The following SYT1 variants were observed in gnomAD, a reference collection of about 807,000 sequenced individuals.
The protein encoded by SYT1 is synaptotagmin 1, also known as synaptotagmin-1.
Under a neutral mutation model 44.8 loss-of-function variants are expected in SYT1, and 8 were observed. The ratio of observed to expected loss-of-function variants is 0.18; its 90% CI spans 0.10 to 0.32. The LOEUF (loss-of-function observed/expected upper bound fraction) is 0.32. Ranked by LOEUF, SYT1 falls within the 10% of genes least tolerant of loss-of-function variation. The pLI, the probability that SYT1 is intolerant of heterozygous loss-of-function variation, is 1.00. For missense variants in SYT1, 286 were observed against 509.3 expected (o/e 0.56, Z 4.22); for synonymous variants, 154 against 188.8 (o/e 0.82, Z 1.51).
At chr12:78,946,388 C>T (rs142929993) in intron 1 of SYT1, among the ~76,000 whole-genome samples, 80 of 152,258 alleles carry the variant, frequency 5.3e-4, no homozygotes, top group Admixed American at 8.5e-4. Context: ...GGCACAGTGG[C>T]TCACACCTCT....
intron 3 of SYT1, among the ~76,000 whole-genome samples, chr12:79,097,403 C>G (rs557014231): frequency 6.6e-6 from 1 of 152,056 alleles, no homozygotes. Flanking sequence ...ATATTGTCAT[C>G]CTCTAAGATG....
intron 4 of SYT1, among the ~76,000 whole-genome samples, chr12:79,231,737 G>A (rs1399358298): frequency 1.3e-5 from 2 of 152,026 alleles, no homozygotes; most frequent in Non-Finnish European, 2.9e-5. Flanking sequence ...ATTTTTGTAA[G>A]GATTTGGATC....
chr12:78,889,301 C>T (rs1874917659), intron 1 of SYT1, among the ~76,000 whole-genome samples: 1 of 151,800 alleles, frequency 6.6e-6, no homozygotes, highest in Admixed American at 6.6e-5. Context: ...GCTTATAGCT[C>T]CAATCACGTT....
chr12:79,288,381 A>G (rs1399103411), intron 5 of SYT1, among the ~76,000 whole-genome samples: 7 of 152,124 alleles, frequency 4.6e-5, no homozygotes, highest in Non-Finnish European at 7.4e-5. Flanking sequence ...TAAAAACAAG[A>G]CAGATGTGAG....
intron 2 of SYT1, among the ~76,000 whole-genome samples, chr12:79,005,589 T>C (rs1232908269): frequency 6.6e-6 from 1 of 152,060 alleles, no homozygotes; most frequent in African/African-American, 2.4e-5. Context: ...GTGATTTTAT[T>C]ATTTTTGCAT....
chr12:79,355,355 A>G (rs1367357874), intron 9 of SYT1, among the ~76,000 whole-genome samples: 1 of 152,244 alleles, frequency 6.6e-6, no homozygotes, highest in East Asian at 1.9e-4. Flanking sequence ...GCCAAAGGTC[A>G]TACCTAATTT....
At chr12:79,217,911 A>G (rs981111042) in intron 4 of SYT1, among the ~76,000 whole-genome samples, 12 of 143,148 alleles carry the variant, frequency 8.4e-5, no homozygotes, top group African/African-American at 3.1e-4. Context: ...AAAAAAAAAA[A>G]GTCTGCAGCT....
chr12:78,886,531 T>C (rs990651441), intron 1 of SYT1, among the ~76,000 whole-genome samples: 3 of 151,998 alleles, frequency 2.0e-5, no homozygotes, highest in Non-Finnish European at 2.9e-5. Flanking sequence ...GACAAATACA[T>C]AGCAACAAAT....
chr12:79,213,420 A>T (rs1222875616), intron 3 of SYT1, among the ~76,000 whole-genome samples: 1 of 152,194 alleles, frequency 6.6e-6, no homozygotes, highest in East Asian at 1.9e-4. Flanking sequence ...TATGACTTTA[A>T]CTGCCTGGCT....
intron 9 of SYT1, among the ~76,000 whole-genome samples, chr12:79,382,538 A>C (rs1461602698): frequency 6.6e-6 from 1 of 152,202 alleles, no homozygotes; most frequent in Non-Finnish European, 1.5e-5. Flanking sequence ...ACTAGGGGTA[A>C]AAAAGACAGA....
rs368526945 is a variant in SYT1, at chr12:79,180,578, G to A, written c.-17-36925G>A. On this transcript the variant is annotated intron_variant, in intron 3 of 10. Coordinates refer to ENST00000261205, the MANE Select transcript of SYT1 (RefSeq NM_005639.3). ...TTCTTAGCTTCTGAGGAGGCCTCAG[G>A]AAACTTATAATCATGGCTGAAGTGG... is the stretch of plus-strand genomic sequence containing the variant. 2.1e-4 allele frequency among the ~76,000 whole-genome samples: 32 copies of A among 152,122 alleles called. No homozygotes were observed. The South Asian group carries it at 6.4e-3, about 31-fold the overall frequency.
intron 1 of SYT1, among the ~76,000 whole-genome samples, chr12:78,977,028 T>C (rs1259329069): frequency 1.3e-5 from 2 of 151,648 alleles, no homozygotes; most frequent in Non-Finnish European, 2.9e-5. Flanking sequence ...ATCAAAAAAG[T>C]AGATGAATGC....
At chr12:79,432,442 C>G (rs1310151761) in intron 9 of SYT1, among the ~76,000 whole-genome samples, 1 of 151,856 alleles carries the variant, frequency 6.6e-6, no homozygotes. Flanking sequence ...CAATTCCCAC[C>G]TATGAGTGAG....
chr12:79,206,326 C>T (rs141885509), intron 3 of SYT1, among the ~76,000 whole-genome samples: 203 of 152,016 alleles, frequency 1.3e-3, no homozygotes, highest in African/African-American at 4.5e-3. Context: ...ATGGTAAAGC[C>T]AATATTAAAA....
intron 8 of SYT1, among the ~76,000 whole-genome samples, chr12:79,344,248 A>G (rs577513742): frequency 3.9e-5 from 6 of 152,306 alleles, no homozygotes; most frequent in African/African-American, 9.6e-5. Context: ...TCCACAGCAC[A>G]TACCTCACCA....
At chr12:79,253,514 TC>T (rs1565877264) in intron 4 of SYT1, among the ~76,000 whole-genome samples, 20 of 151,546 alleles carry the variant, frequency 1.3e-4, no homozygotes, top group African/African-American at 1.9e-4. Flanking sequence ...TCTCTCTCTC[TC>T]TCTCTCTCTC....
chr12:79,104,978 A>C (rs1199109314), intron 3 of SYT1, among the ~76,000 whole-genome samples: 5 of 152,208 alleles, frequency 3.3e-5, no homozygotes, highest in African/African-American at 1.2e-4. Flanking sequence ...TAACTAGAAC[A>C]AAACGGCGGT....
intron 3 of SYT1, among the ~76,000 whole-genome samples, chr12:79,127,788 T>G (rs1261325308): frequency 6.6e-6 from 1 of 152,222 alleles, no homozygotes; most frequent in Non-Finnish European, 1.5e-5. Flanking sequence ...TACTTTGTCT[T>G]TATTTCAAGC....
chr12:79,368,339 A>C (rs1183736125), intron 9 of SYT1, among the ~76,000 whole-genome samples: 1 of 152,120 alleles, frequency 6.6e-6, no homozygotes, highest in African/African-American at 2.4e-5. Flanking sequence ...GCTATTGTGA[A>C]TAGTGCCTCA....
Sources: gnomAD v4.1 joint callset for allele counts (sites outside exome capture counted in the v4.1 genomes callset) on GRCh38, gnomAD v4.1.1 for gene constraint, MANE v1.5 for transcripts, NCBI Gene and HGNC (gene_info 2026-07-23, HGNC 2026-07-21) for gene names.